Variants in TNNI3K observed in about 807,000 individuals in gnomAD.
TNNI3K encodes the protein TNNI3 interacting kinase.
A neutral mutation model predicts 114.5 loss-of-function variants in TNNI3K; 140 were observed. The observed-to-expected ratio is 1.22, with a 90% CI of 1.07 to 1.41. The LOEUF (loss-of-function observed/expected upper bound fraction) is 1.41. Among genes scored for constraint, TNNI3K ranks in the 40% most tolerant of loss-of-function variants. The pLI, the probability that TNNI3K is intolerant of heterozygous loss-of-function variation, is 0.00. For synonymous variants in TNNI3K, 347 were observed against 347.5 expected (o/e 1.00, Z 0.02); for missense variants, 1,125 against 1,007.6 (o/e 1.12, Z -1.58).
chr1:74,304,842 T>C (rs972697788), intron 5 of TNNI3K, among the ~76,000 whole-genome samples: 4 of 152,218 alleles, frequency 2.6e-5, no homozygotes, highest in African/African-American at 9.6e-5. Context: ...CATAACTATT[T>C]TGTGCACTGG....
rs777608929 is a variant in TNNI3K, at chr1:74,369,380, G to GC, written c.1473-9dup. The GC allele has an allele frequency of 3.7e-6, 6 of 1,606,478 alleles. No individual in the cohort carries two copies. The South Asian group carries it at 4.4e-5, about 12-fold the overall frequency. ...TGTTTACTGAAGATTTTCTGTTGCT[G>GC]CCATTTCCAGTTATCGAGCCAATAC... is the stretch of plus-strand genomic sequence containing the variant. On this transcript the variant is annotated splice_polypyrimidine_tract_variant and intron_variant, in intron 15 of 24. Transcript: ENST00000326637.
At chr1:74,464,740 T>A in intron 21 of TNNI3K, 1 of 1,573,838 alleles carries the variant, frequency 6.4e-7, no homozygotes, top group East Asian at 2.3e-5. Flanking sequence ...TCTCAGAAGA[T>A]AACCTCTTAT....
At chr1:74,526,349 A>T (rs747516512) in intron 23 of TNNI3K, among the ~76,000 whole-genome samples, 9 of 152,170 alleles carry the variant, frequency 5.9e-5, no homozygotes, top group Non-Finnish European at 1.0e-4. Flanking sequence ...TTTATCTTCC[A>T]TCAATAAAAT....
chr1:74,376,017 A>G (rs941651966), intron 17 of TNNI3K, among the ~76,000 whole-genome samples: 12 of 151,910 alleles, frequency 7.9e-5, no homozygotes, highest in African/African-American at 2.7e-4. Flanking sequence ...AGCTTATTCT[A>G]GTGGGTATAA....
intron 21 of TNNI3K, chr1:74,475,825 G>A: frequency 1.7e-6 from 1 of 573,890 alleles, no homozygotes; most frequent in Admixed American, 3.2e-5. Flanking sequence ...GACAAATAGA[G>A]AGACCATTAA....
intron 6 of TNNI3K, among the ~76,000 whole-genome samples, chr1:74,331,935 A>ATATAG (rs1660225361): frequency 6.6e-6 from 1 of 152,176 alleles, no homozygotes; most frequent in African/African-American, 2.4e-5. Context: ...GTTAGGATGC[A>ATATAG]ATATAAATTG....
intron 23 of TNNI3K, among the ~76,000 whole-genome samples, chr1:74,521,702 CA>C (rs1370664845): frequency 1.3e-5 from 2 of 152,072 alleles, no homozygotes; most frequent in Non-Finnish European, 2.9e-5. Flanking sequence ...AGTTGGTGAA[CA>C]AGCCATTTCA....
At chr1:74,347,264 C>A (rs1231778509) in intron 9 of TNNI3K, among the ~76,000 whole-genome samples, 1 of 149,578 alleles carries the variant, frequency 6.7e-6, no homozygotes, top group Non-Finnish European at 1.5e-5. Flanking sequence ...GGTTTTTTAT[C>A]CTTGTGATAC....
chr1:74,370,418 C>T, intron 17 of TNNI3K, 26 bp downstream of exon 17: 1 of 1,583,640 alleles, frequency 6.3e-7, no homozygotes, highest in Non-Finnish European at 8.6e-7. Context: ...ATAATGAACT[C>T]AGAAGGGTAT....
At chr1:74,412,998 G>T (rs1664957885) in intron 17 of TNNI3K, among the ~76,000 whole-genome samples, 2 of 152,148 alleles carry the variant, frequency 1.3e-5, no homozygotes, top group African/African-American at 4.8e-5. Flanking sequence ...AGGTAACTCA[G>T]TGAAAGATAG....
intron 4 of TNNI3K, among the ~76,000 whole-genome samples, chr1:74,266,219 T>C (rs1655975301): frequency 6.6e-6 from 1 of 152,020 alleles, no homozygotes; most frequent in Admixed American, 6.6e-5. Flanking sequence ...TCTGGAGGCT[T>C]AACACACTGA....
chr1:74,538,340 G>T (rs958104908), intron 23 of TNNI3K, among the ~76,000 whole-genome samples: 1 of 151,970 alleles, frequency 6.6e-6, no homozygotes, highest in Non-Finnish European at 1.5e-5. Flanking sequence ...AGACCCTTTG[G>T]GGGGAGTATT....
At chr1:74,527,985 G>T (rs548534788) in intron 23 of TNNI3K, among the ~76,000 whole-genome samples, 14 of 152,300 alleles carry the variant, frequency 9.2e-5, no homozygotes, top group African/African-American at 3.1e-4. Flanking sequence ...CCCGGCCAAG[G>T]TGGTAGTGCT....
rs575740487 is a variant in TNNI3K, at chr1:74,347,477, T to G, written c.932+4298T>G. 4.6e-5 allele frequency among the ~76,000 whole-genome samples: 7 copies of G among 152,238 alleles called. 1 individual carries two copies. In the South Asian group the frequency reaches 1.5e-3, roughly 32 times the overall value. Reference sequence around the variant, plus strand: ...AATAAACATACGTGTGCATGTGTCTTTATAGCAGCATGATTTATAATCCTC... The same window carrying G: ...AATAAACATACGTGTGCATGTGTCTGTATAGCAGCATGATTTATAATCCTC... On this transcript the variant is annotated intron_variant, in intron 9 of 24. Transcript: ENST00000326637.
intron 5 of TNNI3K, 47 bp downstream of exon 5, chr1:74,271,755 T>A: frequency 6.7e-7 from 1 of 1,503,242 alleles, no homozygotes; most frequent in East Asian, 2.3e-5. Flanking sequence ...TATTTACCTT[T>A]TCGGTTGTTG....
chr1:74,361,404 A>C (rs1229943834), intron 11 of TNNI3K, among the ~76,000 whole-genome samples: 1 of 152,116 alleles, frequency 6.6e-6, no homozygotes, highest in Non-Finnish European at 1.5e-5. Flanking sequence ...ATTTGAGTGA[A>C]ATTATATTTA....
intron 23 of TNNI3K, among the ~76,000 whole-genome samples, chr1:74,510,594 G>A (rs779643419): frequency 6.6e-6 from 1 of 152,164 alleles, no homozygotes; most frequent in Non-Finnish European, 1.5e-5. Context: ...AAATTAAACA[G>A]CACCTTGTCT....
At chr1:74,423,750 A>G (rs994004630) in intron 17 of TNNI3K, among the ~76,000 whole-genome samples, 6 of 152,044 alleles carry the variant, frequency 3.9e-5, no homozygotes, top group Admixed American at 2.0e-4. Flanking sequence ...TCTAAGCACT[A>G]TCAGAGTTAT....
chr1:74,315,913 C>T (rs1659279720), intron 5 of TNNI3K, among the ~76,000 whole-genome samples: 1 of 151,942 alleles, frequency 6.6e-6, no homozygotes, highest in South Asian at 2.1e-4. Context: ...CACTTATTGA[C>T]CACTATGCAC....
Sources: allele counts gnomAD v4.1 joint callset (sites outside exome capture counted in the v4.1 genomes callset), GRCh38; gene constraint gnomAD v4.1.1; transcripts MANE v1.5; gene names NCBI Gene and HGNC (gene_info 2026-07-23, HGNC 2026-07-21).